The following NOSTRIN variants were observed in gnomAD, a reference collection of about 807,000 sequenced individuals.
NOSTRIN encodes the protein nitric oxide synthase trafficking.
Under a neutral mutation model 59.0 loss-of-function variants are expected in NOSTRIN, and 63 were observed. The ratio of observed to expected loss-of-function variants is 1.07; its 90% CI spans 0.87 to 1.32. The LOEUF is 1.32. Among genes scored for constraint, NOSTRIN ranks in the 40% most tolerant of loss-of-function variants. The pLI, the probability that NOSTRIN is intolerant of heterozygous loss-of-function variation, is 0.00. For missense variants in NOSTRIN, 512 were observed against 473.1 expected (o/e 1.08, Z -0.76); for synonymous variants, 200 against 165.4 (o/e 1.21, Z -1.61).
At chr2:168,806,004 A>G (rs953906493) in intron 1 of NOSTRIN, among the ~76,000 whole-genome samples, 1 of 152,154 alleles carries the variant, frequency 6.6e-6, no homozygotes, top group Non-Finnish European at 1.5e-5. Flanking sequence ...GAAAGGATGG[A>G]GTAGACTATG....
chr2:168,847,262 A>G (rs1465463357), intron 8 of NOSTRIN, among the ~76,000 whole-genome samples: 1 of 152,208 alleles, frequency 6.6e-6, no homozygotes, highest in Non-Finnish European at 1.5e-5. Flanking sequence ...AAATATATCA[A>G]TATGTTAATA....
chr2:168,788,337 C>T (rs2105493007), intron 2 of NOSTRIN, among the ~76,000 whole-genome samples: 1 of 151,992 alleles, frequency 6.6e-6, no homozygotes, highest in South Asian at 2.1e-4. Context: ...TGTTCAGTCC[C>T]TAAACCTCAA....
chr2:168,832,839 C>T (rs1035720121), intron 6 of NOSTRIN, among the ~76,000 whole-genome samples: 5 of 152,110 alleles, frequency 3.3e-5, no homozygotes, highest in South Asian at 2.1e-4. Flanking sequence ...CCAGGCTGAT[C>T]CCGAACTCCT....
At chr2:168,797,073 T>A (rs1023216615), upstream of NOSTRIN, among the ~76,000 whole-genome samples, 1 of 71,290 alleles carries the variant, frequency 1.4e-5, no homozygotes, top group Non-Finnish European at 3.0e-5. Context: ...TTTCTTTTTC[T>A]TTTTTCTTTT....
intron 8 of NOSTRIN, among the ~76,000 whole-genome samples, chr2:168,846,609 A>C (rs16856027): frequency 6.6e-6 from 1 of 152,162 alleles, no homozygotes; most frequent in Non-Finnish European, 1.5e-5. Flanking sequence ...AAGAAGAAAC[A>C]CTTCAGATGA....
chr2:168,806,286 T>C (rs1049919276), intron 1 of NOSTRIN, among the ~76,000 whole-genome samples: 111 of 152,212 alleles, frequency 7.3e-4, no homozygotes, highest in Middle Eastern at 3.4e-3. Flanking sequence ...AATCCTTCTG[T>C]ACTAGCATCA....
chr2:168,803,244 TAA>T (rs1685683882), intron 1 of NOSTRIN, among the ~76,000 whole-genome samples: 1 of 152,202 alleles, frequency 6.6e-6, no homozygotes, highest in African/African-American at 2.4e-5. Context: ...ACCAAAAATA[TAA>T]GTTTGGTCAG....
At chr2:168,826,455 T>TCCC (rs1687072379) in intron 3 of NOSTRIN, among the ~76,000 whole-genome samples, 1 of 147,600 alleles carries the variant, frequency 6.8e-6, no homozygotes, top group Non-Finnish European at 1.5e-5. Context: ...CTTCCCTCCC[T>TCCC]TCCTCCCTTG....
At chr2:168,863,593 A>G in intron 15 of NOSTRIN, 6 of 985,210 alleles carry the variant, frequency 6.1e-6, no homozygotes, top group Non-Finnish European at 7.2e-6. Flanking sequence ...CTCCAAATTG[A>G]TGTTGTATTA....
At chr2:168,792,446 T>C (rs1435305579) in intron 2 of NOSTRIN, among the ~76,000 whole-genome samples, 2 of 150,738 alleles carry the variant, frequency 1.3e-5, no homozygotes, top group African/African-American at 5.0e-5. Context: ...TATAAAATTA[T>C]CTTTATTTTA....
At chr2:168,838,186 C>T (rs906206485) in intron 7 of NOSTRIN, among the ~76,000 whole-genome samples, 1 of 152,156 alleles carries the variant, frequency 6.6e-6, no homozygotes, top group Non-Finnish European at 1.5e-5. Flanking sequence ...ATCCAAAATC[C>T]AACCATCACT....
intron 2 of NOSTRIN, among the ~76,000 whole-genome samples, chr2:168,789,378 G>C (rs1685288074): frequency 6.6e-6 from 1 of 152,192 alleles, no homozygotes; most frequent in South Asian, 2.1e-4. Flanking sequence ...AAGGCAAAAG[G>C]CATATCTTAC....
upstream of NOSTRIN, among the ~76,000 whole-genome samples, chr2:168,796,849 T>A (rs774293047): frequency 6.6e-6 from 1 of 152,160 alleles, no homozygotes; most frequent in Non-Finnish European, 1.5e-5. Context: ...CTCTGCTTCC[T>A]GATAGCTGAG....
upstream of NOSTRIN, among the ~76,000 whole-genome samples, chr2:168,798,910 T>C (rs889233623): frequency 1.3e-5 from 2 of 151,984 alleles, no homozygotes; most frequent in African/African-American, 4.8e-5. Context: ...GTATGCAAAA[T>C]TTATCAGGCC....
At chr2:168,806,720 T>C (rs769716897) in intron 1 of NOSTRIN, among the ~76,000 whole-genome samples, 2 of 152,170 alleles carry the variant, frequency 1.3e-5, no homozygotes, top group Non-Finnish European at 2.9e-5. Context: ...TTAATATGAA[T>C]TCATATGGAG....
chr2:168,819,534 C>T (rs899282285), intron 2 of NOSTRIN, among the ~76,000 whole-genome samples: 19 of 152,164 alleles, frequency 1.2e-4, no homozygotes, highest in African/African-American at 4.3e-4. Flanking sequence ...AGATAAAAGC[C>T]GTTCAGCGCT....
At chr2:168,843,453 G>A (rs1250722995) in intron 8 of NOSTRIN, among the ~76,000 whole-genome samples, 1 of 152,180 alleles carries the variant, frequency 6.6e-6, no homozygotes, top group African/African-American at 2.4e-5. Context: ...AGGCATGAGT[G>A]ATGACTCATA....
intron 8 of NOSTRIN, among the ~76,000 whole-genome samples, chr2:168,849,918 A>ATTTTTTT (rs71297456): frequency 2.2e-5 from 2 of 91,396 alleles, no homozygotes; most frequent in Admixed American, 1.1e-4. Context: ...ACATTTTCTC[A>ATTTTTTT]TTTTTTTTTT....
At position 168,828,143 on chromosome 2, in the gene NOSTRIN, T is replaced by A. The variant is rs773132927; in HGVS notation, c.198-15T>A. 1.1e-6 allele frequency: 1 copy of A among 872,820 alleles called. No individual in the cohort carries two copies. The highest frequency in any genetic ancestry group is 1.3e-5 in the South Asian group (1 of 76,528). The allele number at this position is 872,820 out of a possible 1,614,324, so 54.1% of individuals were successfully genotyped here. On this transcript the variant is annotated splice_polypyrimidine_tract_variant and intron_variant, in intron 3 of 15. Transcript: ENST00000317647. The stretch of plus-strand genomic sequence containing the variant: ...ATGACACTCACCTTTGTTCCCCACT[T>A]TTTTTTGCCTTTAGTTGTGTTAGCA...
Sources: allele counts gnomAD v4.1 joint callset (sites outside exome capture counted in the v4.1 genomes callset), GRCh38; gene constraint gnomAD v4.1.1; transcripts MANE v1.5; gene names NCBI Gene and HGNC (gene_info 2026-07-23, HGNC 2026-07-21).